The following SNAPC4 variants were observed in gnomAD, a reference collection of about 807,000 sequenced individuals.
SNAPC4 encodes the protein small nuclear RNA activating complex polypeptide 4.
In SNAPC4, 127 loss-of-function variants were observed where a neutral mutation model predicts 151.3. The observed-to-expected ratio is 0.84, with a 90% CI of 0.73 to 0.97. The LOEUF (loss-of-function observed/expected upper bound fraction) is 0.97, where lower values mean the gene tolerates loss of function less well. Ranked by LOEUF, SNAPC4 falls within the 50% of genes least tolerant of loss-of-function variation. The pLI, the probability that SNAPC4 is intolerant of heterozygous loss-of-function variation, is 0.00. For synonymous variants in SNAPC4, 1,002 were observed against 824.4 expected (o/e 1.22, Z -3.69); for missense variants, 2,186 against 1,935.0 (o/e 1.13, Z -2.43).
In SNAPC4 at chr9:136,378,535, T is replaced by TGGGAAGGCTCG. The variant is rs1431871359; in HGVS notation, c.3291_3292insCGAGCCTTCCC (p.Pro1099AlafsTer22). On this transcript the variant is annotated frameshift_variant, in exon 22 of 24. Coordinates refer to ENST00000684778, the MANE Select transcript of SNAPC4 (RefSeq NM_003086.4). LOFTEE classifies it high-confidence loss of function. ...GCGGGGCCAGGGGTCCCTGCTGGCC[T>TGGGAAGGCTCG]GGGAAGGCTCACCACAGCTGGTACA... 1 of 1,592,284 alleles carries TGGGAAGGCTCG rather than the reference T, an allele frequency of 6.3e-7. No individual in the cohort carries two copies. The highest frequency in any genetic ancestry group is 1.3e-5 in the African/African-American group (1 of 74,602).
At chr9:136,388,326 G>A (rs1157640301) in intron 11 of SNAPC4, 118 bp downstream of exon 11, 3 of 1,008,980 alleles carry the variant, frequency 3.0e-6, no homozygotes, top group African/African-American at 1.6e-5. Flanking sequence ...GAACAGCCAG[G>A]ACTGTCTAAG....
chr9:136,381,881 C>G lies in SNAPC4; in HGVS notation c.2260G>C (p.Asp754His), dbSNP rs758802327. The change falls in exon 18 of 24, where the codon GAC (aspartate) becomes CAC (histidine). Residue 754 changes from aspartate to histidine, a missense_variant. Asp to His is a moderately conservative substitution (Grantham distance 81, BLOSUM62 -1). Coordinates refer to ENST00000684778, the MANE Select transcript of SNAPC4 (RefSeq NM_003086.4). ...LLLAVTPWVG[D>H]VVVPCTQASQ... ...GCCTGTGTGCAGGGCACGACAACGTCCCCTACCCAAGGGGTCACAGCCAGC... is the reference window on the plus strand; with the variant it reads ...GCCTGTGTGCAGGGCACGACAACGTGCCCTACCCAAGGGGTCACAGCCAGC... 6.2e-7 allele frequency: 1 copy of G among 1,612,840 alleles called. No homozygotes were observed. Among genetic ancestry groups the G allele is most frequent in the Admixed American group, 1.7e-5 (1 of 60,000 alleles).
chr9:136,383,753 A>C lies in SNAPC4; in HGVS notation c.1501-85T>G. The C allele has an allele frequency of 6.6e-7, 1 of 1,525,802 alleles. No individual in the cohort carries two copies. The highest frequency in any genetic ancestry group is 1.4e-5 in the African/African-American group (1 of 72,866). 94.5% of individuals were successfully genotyped at this position (1,525,802 alleles called of 1,614,324 possible). A position where few individuals can be genotyped will look rare whatever the true frequency, so the allele number is the denominator to read the frequency against. ...GCAAGCAGGCCAGCCCTTTGGGGAG[A>C]GGCCCAAGCGGGGGCGCCTCCGGGG... On this transcript the variant is annotated intron_variant, in intron 15 of 23. Transcript: ENST00000684778. This position sits in a 1 kb window ranked among gnomAD's most constrained non-coding sequence, Gnocchi z 4.2.
chr9:136,381,129 G>A (rs1833674558), intron 19 of SNAPC4, among the ~76,000 whole-genome samples, 193 bp downstream of exon 19: 1 of 152,192 alleles, frequency 6.6e-6, no homozygotes, highest in African/African-American at 2.4e-5. Context: ...AGCCCGATGG[G>A]GGCAGTGCAC....
At chr9:136,390,175 G>A (rs1161588623) in intron 10 of SNAPC4, among the ~76,000 whole-genome samples, 2 of 152,170 alleles carry the variant, frequency 1.3e-5, no homozygotes, top group Non-Finnish European at 2.9e-5. Flanking sequence ...AAAGCCAGAG[G>A]CTGGTCAGGC....
chr9:136,379,373 C>G, intron 21 of SNAPC4, 74 bp from the exon 22 acceptor site: 1 of 1,588,032 alleles, frequency 6.3e-7, no homozygotes. Flanking sequence ...CTGCCATCCC[C>G]TCATCAGGAG....
In SNAPC4 at chr9:136,383,585, ACTGCTGCTGCCG is replaced by A. The variant is rs759088131; in HGVS notation, c.1572_1583del (p.Ser528_Ser531del). 2.4e-5 allele frequency: 38 copies of A among 1,609,786 alleles called. No homozygotes were observed. Among genetic ancestry groups the A allele is most frequent in the Non-Finnish European group, 3.1e-5 (37 of 1,178,346 alleles). On this transcript the variant is annotated inframe_deletion, in exon 16 of 24. Coordinates refer to ENST00000684778, the MANE Select transcript of SNAPC4 (RefSeq NM_003086.4). This position sits in a 1 kb window ranked among gnomAD's most constrained non-coding sequence, Gnocchi z 4.2. ...TGCTGCTGCTCCCTCCACTGCTGCCACTGCTGCTGCCGCTGCTGCTGGTAGAGCTCCACCGGA... is the reference window on the plus strand; with the variant it reads ...TGCTGCTGCTCCCTCCACTGCTGCCACTGCTGCTGGTAGAGCTCCACCGGA...
rs1833797841 is a variant in SNAPC4 at position 136,383,828 on chromosome 9, CAGA to C, written c.1500+122_1500+124del. The C allele has an allele frequency of 7.4e-6, 10 of 1,351,660 alleles. No homozygotes were observed. Among genetic ancestry groups the C allele is most frequent in the East Asian group, 7.1e-5 (3 of 42,470 alleles). The allele number at this position is 1,351,660 out of a possible 1,614,324, so 83.7% of individuals were successfully genotyped here. The stretch of plus-strand genomic sequence containing the variant: ...GGGTCTCCCTTTGCCCTTGGCCACC[CAGA>C]AGAAGAAATGCCAAGACCAGAAACC... On this transcript the variant is annotated intron_variant, in intron 15 of 23. Coordinates refer to ENST00000684778, the MANE Select transcript of SNAPC4 (RefSeq NM_003086.4). This position sits in a 1 kb window ranked among gnomAD's most constrained non-coding sequence, Gnocchi z 4.2.
At chr9:136,397,093 C>G (rs1834300238) in intron 2 of SNAPC4, 70 bp from the exon 3 acceptor site, 1 of 1,363,498 alleles carries the variant, frequency 7.3e-7, no homozygotes, top group Admixed American at 1.7e-5. Context: ...CAGCTCACCA[C>G]TGCTTCTTGG....
At chr9:136,377,369 G>A (rs1034300369) in intron 22 of SNAPC4, among the ~76,000 whole-genome samples, 174 bp downstream of exon 22, 9 of 151,844 alleles carry the variant, frequency 5.9e-5, no homozygotes, top group African/African-American at 1.7e-4. Flanking sequence ...CACTTCTGCA[G>A]AATCTACACG....
chr9:136,381,305 C>G lies in SNAPC4; in HGVS notation c.2388+17G>C. On this transcript the variant is annotated intron_variant, in intron 19 of 23. Transcript: ENST00000684778. ...TTACAAGGCAAAGGAAAACGAAGCT[C>G]TGCCCAAGTAGCTTACCTGGGTAAA... is the stretch of plus-strand genomic sequence containing the variant. 1 of 1,602,122 alleles carries G rather than the reference C, an allele frequency of 6.2e-7. No homozygotes were observed. Among genetic ancestry groups the G allele is most frequent in the Non-Finnish European group, 8.5e-7 (1 of 1,171,782 alleles).
At position 136,388,425 on chromosome 9, in the gene SNAPC4, C is replaced by G. The variant is rs780898633; in HGVS notation, c.1123+19G>C. The G allele has an allele frequency of 3.7e-6, 6 of 1,608,044 alleles. No homozygotes were observed. The highest frequency in any genetic ancestry group is 5.1e-6 in the Non-Finnish European group (6 of 1,176,126). On this transcript the variant is annotated intron_variant, in intron 11 of 23. Transcript: ENST00000684778. ...GGCCCTGTGACAGCCTGAGAGCCGT[C>G]GGGGTGGAGGGGCCTCACTTCTGCG...
chr9:136,399,972 G>A (rs907428763), intron 1 of SNAPC4, among the ~76,000 whole-genome samples, 162 bp downstream of exon 1: 1 of 152,086 alleles, frequency 6.6e-6, no homozygotes, highest in Non-Finnish European at 1.5e-5. Flanking sequence ...AGGCTCGGCC[G>A]GACGGGGGCC....
intron 2 of SNAPC4, among the ~76,000 whole-genome samples, chr9:136,397,560 GGGA>G (rs1834315809): frequency 7.2e-6 from 1 of 138,538 alleles, no homozygotes; most frequent in South Asian, 2.4e-4. Context: ...GGAGCATGTT[GGGA>G]GGAGAGGCTG....
At position 136,395,749 on chromosome 9, in the gene SNAPC4, C is replaced by T; in HGVS notation, c.199G>A (p.Ala67Thr). 1 of 1,612,762 alleles carries T rather than the reference C, an allele frequency of 6.2e-7. No homozygotes were observed. The highest frequency in any genetic ancestry group is 8.5e-7 in the Non-Finnish European group (1 of 1,179,528). The change falls in exon 4 of 24, where the codon GCC (alanine) becomes ACC (threonine). Residue 67 changes from alanine to threonine, a missense_variant. By Grantham distance (58) the Ala-to-Thr change is moderately conservative. Coordinates refer to ENST00000684778, the MANE Select transcript of SNAPC4 (RefSeq NM_003086.4). ...TTGGGATCGTCCTCGTCATTGCTGGCTTCGCCCCACCTTTCTTCTTCCTGG... is the reference window on the plus strand; with the variant it reads ...TTGGGATCGTCCTCGTCATTGCTGGTTTCGCCCCACCTTTCTTCTTCCTGG... ...PISEEERWGE[A>T]SNDEDDPKDK...
chr9:136,392,570 C>T lies in SNAPC4; in HGVS notation c.762G>A (p.Leu254=). The T allele has an allele frequency of 6.2e-7, 1 of 1,613,900 alleles. No individual in the cohort carries two copies. The highest frequency in any genetic ancestry group is 8.5e-7 in the Non-Finnish European group (1 of 1,180,034). ...DINQLPEEAL[L]GNRLDSHDWE... The stretch of plus-strand genomic sequence containing the variant: ...AGTCGTGGCTGTCCAGCCTGTTTCC[C>T]AGCAAGGCCTCTTCTGGAAGCTGGC... Residue 254 remains leucine (L), a synonymous_variant, in exon 9 of 24, where the codon CTG becomes CTA. Transcript: ENST00000684778.
In SNAPC4 at chr9:136,377,663, G is replaced by A. The variant is rs766130721; in HGVS notation, c.4164C>T (p.Thr1388=). ...CCACCCTCGAAGGTACTGAGAGGGT[G>A]GTGCGGACGCCTTGGGGGGCCAGGG... is the stretch of plus-strand genomic sequence containing the variant. ...LATLAPQGVR[T]TLSVPSRVGS... is the part of the protein sequence containing the mutation. The change falls in exon 22 of 24, where the codon ACC becomes ACT. Residue 1388 remains threonine, a synonymous_variant. Transcript: ENST00000684778. 2 of 1,605,548 alleles carry A rather than the reference G, an allele frequency of 1.2e-6. No homozygotes were observed. The highest frequency in any genetic ancestry group is 8.5e-7 in the Non-Finnish European group (1 of 1,175,358).
At chr9:136,394,360 G>A in intron 6 of SNAPC4, 30 bp from the exon 7 acceptor site, 1 of 1,585,220 alleles carries the variant, frequency 6.3e-7, no homozygotes, top group South Asian at 1.1e-5. Flanking sequence ...TCATCACTGG[G>A]GGTCTGGATC....
At chr9:136,393,545 T>G (rs1054835972) in intron 7 of SNAPC4, among the ~76,000 whole-genome samples, 1 of 152,186 alleles carries the variant, frequency 6.6e-6, no homozygotes, top group African/African-American at 2.4e-5. Flanking sequence ...GGTCACGTGA[T>G]TATCACCCCA....
Sources: gnomAD v4.1 joint callset for allele counts (sites outside exome capture counted in the v4.1 genomes callset) on GRCh38, gnomAD v4.1.1 for gene constraint, Gnocchi (gnomAD v3.1) non-coding constraint, MANE v1.5 for transcripts, NCBI Gene and HGNC (gene_info 2026-07-23, HGNC 2026-07-21) for gene names.